The following MEG3 variants were observed in gnomAD, a reference collection of about 807,000 sequenced individuals.
MEG3 encodes the protein Very putative protein from MEG3 locus.
rs895484144 is a variant in MEG3 at position 100,843,070 on chromosome 14, C to T, written n.3046-2388C>T. On this transcript the variant is annotated intron_variant and non_coding_transcript_variant, in intron 2 of 3. Transcript: ENST00000398461. ...CACACGCAGCTTTTAAACCAAGGCA[C>T]GAATTTGCTGGGGCTTCTCTGTAGC... is the stretch of plus-strand genomic sequence containing the variant. 3.3e-5 allele frequency among the ~76,000 whole-genome samples: 5 copies of T among 152,142 alleles called. No individual in the cohort carries two copies. The South Asian group carries it at 8.3e-4, about 25-fold the overall frequency.
At chr14:100,856,239 C>T (rs1319628464), upstream of MEG3, 1 of 152,364 alleles carries the variant, frequency 6.6e-6, no homozygotes, top group East Asian at 1.9e-4. Context: ...CTGGGTGCAG[C>T]TCCGAGCTGT....
intron 2 of MEG3, among the ~76,000 whole-genome samples, chr14:100,844,782 G>A (rs573537065): frequency 6.6e-6 from 1 of 152,212 alleles, no homozygotes; most frequent in East Asian, 1.9e-4. Context: ...AACTATGTTT[G>A]GCCCAGCCTG....
exon 1 of MEG3, chr14:100,835,112 A>T: frequency 3.1e-6 from 1 of 325,552 alleles, no homozygotes; most frequent in South Asian, 2.6e-5. Flanking sequence ...GGAGGGTGTG[A>T]GGGCAGATTC....
intron 3 of MEG3, chr14:100,848,783 G>T (rs968477548): frequency 2.0e-5 from 3 of 152,176 alleles, no homozygotes; most frequent in Non-Finnish European, 4.4e-5. Flanking sequence ...TCCATAGGAT[G>T]CAAGAAAAGG....
chr14:100,850,092 G>T (rs933883344), intron 3 of MEG3: 2 of 152,220 alleles, frequency 1.3e-5, no homozygotes, highest in African/African-American at 4.8e-5. Flanking sequence ...ATGGGCCAAA[G>T]ATGTTTGGTT....
chr14:100,834,374 G>C (rs1488807800), exon 1 of MEG3: 2 of 263,032 alleles, frequency 7.6e-6, no homozygotes, highest in Non-Finnish European at 1.5e-5. Context: ...GAAATCAGCT[G>C]GCCCCCGGCA....
upstream of MEG3, chr14:100,852,731 C>T (rs115967510): frequency 2.1e-3 from 471 of 223,184 alleles, 3 homozygotes; most frequent in African/African-American, 9.9e-3. Context: ...GTGCAGAAGG[C>T]GGGGAAGGGA....
chr14:100,840,814 G>A lies in MEG3; in HGVS notation n.3045+4514G>A, dbSNP rs866466818. Reference sequence around the variant, plus strand: ...CAAAGAGACAGAATGGGGCTGCGGGGAGAGAGGTCCAGGATGGAAAGTTGG... The same window carrying A: ...CAAAGAGACAGAATGGGGCTGCGGGAAGAGAGGTCCAGGATGGAAAGTTGG... On this transcript the variant is annotated intron_variant and non_coding_transcript_variant, in intron 2 of 3. Coordinates refer to the MEG3 transcript ENST00000398461. Among the ~76,000 whole-genome samples the A allele has an allele frequency of 2.6e-5, 4 of 152,342 alleles. No homozygotes were observed. The South Asian group carries it at 8.3e-4, about 32-fold the overall frequency.
At chr14:100,852,961 G>A (rs1396438935), upstream of MEG3, 2 of 154,632 alleles carry the variant, frequency 1.3e-5, no homozygotes, top group Non-Finnish European at 2.9e-5. Flanking sequence ...AGGCCATGAG[G>A]GGGGATCAGG....
At chr14:100,843,446 G>T (rs1427629095) in intron 2 of MEG3, among the ~76,000 whole-genome samples, 1 of 152,140 alleles carries the variant, frequency 6.6e-6, no homozygotes, top group Non-Finnish European at 1.5e-5. Context: ...ATAATGGGTG[G>T]TCTGGCAGCC....
At chr14:100,860,856 A>G (rs2038386545) in exon 2 of MEG3, 2 of 364,374 alleles carry the variant, frequency 5.5e-6, no homozygotes, top group South Asian at 4.1e-5. Flanking sequence ...CCCCGCAGGA[A>G]CCCTGAGGCC....
At chr14:100,846,630 G>A (rs1364226987) in intron 3 of MEG3, 1 of 152,234 alleles carries the variant, frequency 6.6e-6, no homozygotes, top group Non-Finnish European at 1.5e-5. Context: ...AATGAGTGAA[G>A]CAAGAGAGAA....
chr14:100,830,445 A>C (rs2037367505), downstream of MEG3: 1 of 152,074 alleles, frequency 6.6e-6, no homozygotes, highest in African/African-American at 2.4e-5. Flanking sequence ...CTACTATGAA[A>C]GTGCTTTGTA....
rs145346464 is a variant in MEG3, at chr14:100,849,533, C to T, written n.3121+4000C>T. 5.9e-5 allele frequency: 9 copies of T among 151,976 alleles called. No individual in the cohort carries two copies. In the East Asian group the frequency reaches 1.4e-3, roughly 23 times the overall value. The allele number at this position is 151,976 out of a possible 1,614,324, so 9.4% of individuals were successfully genotyped here. A position where few individuals can be genotyped will look rare whatever the true frequency, so the allele number is the denominator to read the frequency against. ...ACTCTGGGCACCTGAGGTCCATAAG[C>T]GTGAAAAGAGGCAGGAAGAGAAGTG... is the stretch of plus-strand genomic sequence containing the variant. On this transcript the variant is annotated intron_variant and non_coding_transcript_variant, in intron 3 of 3. Transcript: ENST00000398461.
chr14:100,830,876 T>C (rs1240123775), downstream of MEG3: 1 of 152,506 alleles, frequency 6.6e-6, no homozygotes. Flanking sequence ...CAAATGGAGG[T>C]GCAAGGATGA....
At chr14:100,848,745 G>A (rs1323173367) in intron 3 of MEG3, 1 of 152,148 alleles carries the variant, frequency 6.6e-6, no homozygotes, top group African/African-American at 2.4e-5. Flanking sequence ...ACAAGTGTAA[G>A]ACTGAATGAA....
At chr14:100,841,033 C>G (rs76056991) in intron 2 of MEG3, among the ~76,000 whole-genome samples, 428 of 152,252 alleles carry the variant, frequency 2.8e-3, no homozygotes, top group African/African-American at 9.8e-3. Flanking sequence ...TCACAGTTAG[C>G]CAGGAGAGGA....
chr14:100,852,663 A>G (rs1392221072), upstream of MEG3: 1 of 294,814 alleles, frequency 3.4e-6, no homozygotes, highest in African/African-American at 2.2e-5. Flanking sequence ...GGGTCTTTCA[A>G]AAGAACTCAT....
chr14:100,844,650 ACAT>A (rs1310231889), intron 2 of MEG3, among the ~76,000 whole-genome samples: 1 of 152,070 alleles, frequency 6.6e-6, no homozygotes, highest in Non-Finnish European at 1.5e-5. Context: ...GCCTTGGTTC[ACAT>A]CATTAGGGCT....
Sources: gnomAD v4.1 joint callset for allele counts (sites outside exome capture counted in the v4.1 genomes callset) on GRCh38, gnomAD v4.1.1 for gene constraint, MANE v1.5 for transcripts, NCBI Gene and HGNC (gene_info 2026-07-23, HGNC 2026-07-21) for gene names.